Variants in TMPRSS15 observed in about 807,000 individuals in gnomAD.
TMPRSS15 encodes transmembrane serine protease 15.
In TMPRSS15, 128 loss-of-function variants were observed where a neutral mutation model predicts 125.3. That is an observed-to-expected ratio of 1.02 (90% CI 0.89 to 1.18). The LOEUF is 1.18. Ranked by LOEUF, TMPRSS15 falls within the 50% of genes most tolerant of loss-of-function variation. The pLI is 0.00. For missense variants in TMPRSS15, 1,283 were observed against 1,212.7 expected (o/e 1.06, Z -0.86); for synonymous variants, 446 against 423.2 (o/e 1.05, Z -0.66).
At chr21:18,372,855 C>G (rs1172802803) in intron 5 of TMPRSS15, among the ~76,000 whole-genome samples, 29 of 152,316 alleles carry the variant, frequency 1.9e-4, no homozygotes. Flanking sequence ...CTGACTTGTC[C>G]TTCACTTGCC....
chr21:18,285,668 G>A (rs550563072), intron 21 of TMPRSS15, among the ~76,000 whole-genome samples: 6 of 152,216 alleles, frequency 3.9e-5, no homozygotes, highest in Admixed American at 2.0e-4. Context: ...CAAGAATATC[G>A]GGCAATTCTG....
intron 23 of TMPRSS15, among the ~76,000 whole-genome samples, chr21:18,276,618 T>G (rs2074624082): frequency 6.6e-6 from 1 of 152,178 alleles, no homozygotes; most frequent in South Asian, 2.1e-4. Flanking sequence ...AAAGGAACAT[T>G]TGAGCAGTGT....
At chr21:18,315,090 G>T in intron 17 of TMPRSS15, 56 bp downstream of exon 17, 3 of 1,329,468 alleles carry the variant, frequency 2.3e-6, no homozygotes, top group East Asian at 2.3e-5. Context: ...TGACACTGTA[G>T]AGTCCAAATG....
At chr21:18,417,683 A>G (rs1391471463) in intron 1 of TMPRSS15, among the ~76,000 whole-genome samples, 1 of 152,210 alleles carries the variant, frequency 6.6e-6, no homozygotes, top group Admixed American at 6.5e-5. Flanking sequence ...TTTCTGATCT[A>G]GAAAATAAAA....
intron 1 of TMPRSS15, among the ~76,000 whole-genome samples, chr21:18,428,728 G>A (rs1197819644): frequency 1.3e-5 from 2 of 152,152 alleles, no homozygotes; most frequent in African/African-American, 4.8e-5. Context: ...GAATATGTAT[G>A]GAAATACCTG....
chr21:18,392,798 A>C (rs2076001606), intron 3 of TMPRSS15, among the ~76,000 whole-genome samples: 1 of 152,184 alleles, frequency 6.6e-6, no homozygotes, highest in African/African-American at 2.4e-5. Context: ...GAAGGTGAAG[A>C]AGCAGCAAGT....
intron 24 of TMPRSS15, among the ~76,000 whole-genome samples, chr21:18,273,412 C>G (rs181499518): frequency 3.3e-4 from 50 of 152,242 alleles, no homozygotes; most frequent in Admixed American, 1.6e-3. Flanking sequence ...CAAAGAAAAT[C>G]ATGTGACAGT....
Position 18,281,224 on chromosome 21 carries a change from G to A in TMPRSS15, c.2487-3C>T. The A allele has an allele frequency of 3.7e-6, 6 of 1,613,678 alleles. No homozygotes were observed. The highest frequency in any genetic ancestry group is 5.1e-6 in the Non-Finnish European group (6 of 1,179,830). On this transcript the variant is annotated splice_polypyrimidine_tract_variant and splice_region_variant and intron_variant, in intron 21 of 24. Transcript: ENST00000284885. ...ACTTGGATGGCTCTAAGTTTCTCCTGAAAATTGTAATGAAGAAATATGAGA... is the reference window on the plus strand; with the variant it reads ...ACTTGGATGGCTCTAAGTTTCTCCTAAAAATTGTAATGAAGAAATATGAGA...
At chr21:18,394,445 G>C (rs964381802) in intron 3 of TMPRSS15, among the ~76,000 whole-genome samples, 2 of 151,926 alleles carry the variant, frequency 1.3e-5, no homozygotes, top group African/African-American at 4.8e-5. Flanking sequence ...TTCAGGAGGA[G>C]GTAAAGAAAA....
At chr21:18,385,142 T>C (rs1424968842) in intron 3 of TMPRSS15, among the ~76,000 whole-genome samples, 1 of 152,222 alleles carries the variant, frequency 6.6e-6, no homozygotes, top group African/African-American at 2.4e-5. Flanking sequence ...TATAAAATGA[T>C]AGAAGGTTTA....
chr21:18,342,052 T>A (rs942875869), intron 12 of TMPRSS15, among the ~76,000 whole-genome samples: 1 of 152,150 alleles, frequency 6.6e-6, no homozygotes, highest in East Asian at 1.9e-4. Context: ...CAGGGCCAGC[T>A]GTTACTGGTC....
At chr21:18,480,059 T>C (rs142286464) in intron 1 of TMPRSS15, among the ~76,000 whole-genome samples, 1,861 of 152,002 alleles carry the variant, frequency 0.012, 36 homozygotes, top group African/African-American at 0.042. Flanking sequence ...TATGCAGCCA[T>C]GAAAAAGGAT....
intron 21 of TMPRSS15, 85 bp from the exon 22 acceptor site, chr21:18,281,306 T>G (rs1302380574): frequency 1.8e-6 from 2 of 1,122,236 alleles, no homozygotes; most frequent in Non-Finnish European, 2.7e-6. Flanking sequence ...CATTTCAGAA[T>G]ATGTTTCTAT....
intron 1 of TMPRSS15, among the ~76,000 whole-genome samples, chr21:18,448,969 T>G (rs1004387698): frequency 2.0e-5 from 3 of 152,250 alleles, no homozygotes; most frequent in Non-Finnish European, 4.4e-5. Flanking sequence ...TTAAAATAAA[T>G]CAGAACAATT....
At chr21:18,397,253 T>C (rs2123120946) in intron 3 of TMPRSS15, among the ~76,000 whole-genome samples, 1 of 152,280 alleles carries the variant, frequency 6.6e-6, no homozygotes, top group East Asian at 1.9e-4. Context: ...TCCTTCATGA[T>C]ACAACAGCAA....
chr21:18,325,236 T>A (rs1269493711), intron 16 of TMPRSS15, among the ~76,000 whole-genome samples: 2 of 136,786 alleles, frequency 1.5e-5, no homozygotes, highest in African/African-American at 2.7e-5. Flanking sequence ...AAGTATTTAC[T>A]CATTGTTTTT....
At chr21:18,372,372 A>G (rs1236920169) in intron 5 of TMPRSS15, 48 bp from the exon 6 acceptor site, 2 of 1,580,684 alleles carry the variant, frequency 1.3e-6, no homozygotes, top group Admixed American at 1.7e-5. Context: ...GATATGTACA[A>G]TGTTTAAATA....
At chr21:18,323,001 T>A (rs1413883097) in intron 16 of TMPRSS15, among the ~76,000 whole-genome samples, 1 of 152,190 alleles carries the variant, frequency 6.6e-6, no homozygotes, top group Admixed American at 6.5e-5. Flanking sequence ...TAAACATGTG[T>A]AATTATTATG....
chr21:18,300,107 AT>A (rs1472153916), intron 18 of TMPRSS15, among the ~76,000 whole-genome samples: 1 of 55,238 alleles, frequency 1.8e-5, no homozygotes, highest in Non-Finnish European at 3.9e-5. Context: ...CTCTTCACTT[AT>A]CTATAGCTCG....
Sources: gnomAD v4.1 joint callset for allele counts (sites outside exome capture counted in the v4.1 genomes callset) on GRCh38, gnomAD v4.1.1 for gene constraint, MANE v1.5 for transcripts, NCBI Gene and HGNC (gene_info 2026-07-23, HGNC 2026-07-21) for gene names.